ADGRL3: variants seen among roughly 807,000 people sequenced by gnomAD.
ADGRL3 encodes calcium-independent alpha-latrotoxin receptor 3.
ADGRL3 carries 62 observed loss-of-function variants against 153.5 expected under a neutral mutation model. That is an observed-to-expected ratio of 0.40 (90% confidence interval 0.33 to 0.50). ADGRL3 has a LOEUF of 0.50. Ranked by LOEUF, ADGRL3 falls within the 20% of genes least tolerant of loss-of-function variation. The pLI, the probability that ADGRL3 is intolerant of heterozygous loss-of-function variation, is 0.47. For synonymous variants in ADGRL3, 710 were observed against 672.5 expected, an observed-to-expected ratio of 1.06 and a Z score of -0.86; for missense variants, 1,641 against 1,859.4, an observed-to-expected ratio of 0.88 and a Z score of 2.16.
intron 6 of ADGRL3, among the ~76,000 whole-genome samples, chr4:61,692,730 G>A (rs544097276): frequency 2.0e-5 from 3 of 152,210 alleles, no homozygotes; most frequent in Non-Finnish European, 1.5e-5. Context: ...AAGCCACCAC[G>A]CCTGGTCGTT....
intron 8 of ADGRL3, among the ~76,000 whole-genome samples, chr4:61,748,001 T>G (rs1405004651): frequency 2.0e-5 from 3 of 151,974 alleles, no homozygotes; most frequent in Non-Finnish European, 2.9e-5. Flanking sequence ...ATAAGCAACT[T>G]CAGCAAAGTC....
rs199648865 is a variant in ADGRL3, at chr4:61,856,581, C to CTT, written c.1481-36070_1481-36069dup. Among the ~76,000 whole-genome samples the CTT allele has an allele frequency of 2.6e-3, 271 of 104,924 alleles. 3 individuals carry two copies. Among genetic ancestry groups the CTT allele is most frequent in the African/African-American group, 8.6e-3 (232 of 27,062 alleles). The allele number at this position is 104,924 out of a possible 152,430, so 68.8% of individuals were successfully genotyped here. On this transcript the variant is annotated intron_variant, in intron 9 of 26. Coordinates refer to ENST00000683033, the MANE Select transcript of ADGRL3 (RefSeq NM_001387552.1). ...TGTCTCTCTCTCTCTTTCTCTCTCT[C>CTT]TTTTTTCTCTCTCTCTCTCTCTCTT...
intron 17 of ADGRL3, among the ~76,000 whole-genome samples, chr4:61,970,951 G>A (rs191363798): frequency 9.9e-5 from 15 of 152,000 alleles, no homozygotes; most frequent in African/African-American, 2.9e-4. Flanking sequence ...ACGTTTATCC[G>A]AAAATAGGCT....
intron 1 of ADGRL3, among the ~76,000 whole-genome samples, chr4:61,367,109 A>G: frequency 6.6e-6 from 1 of 152,326 alleles, no homozygotes; most frequent in Admixed American, 6.5e-5. Context: ...AAAGTAGCAC[A>G]TTGAAATATT....
intron 19 of ADGRL3, among the ~76,000 whole-genome samples, chr4:61,992,933 A>G (rs1191666712): frequency 2.0e-5 from 3 of 152,166 alleles, no homozygotes; most frequent in African/African-American, 7.2e-5. Flanking sequence ...ACAACTGTTA[A>G]TAATATAATT....
At chr4:61,804,717 C>T (rs762356133) in intron 8 of ADGRL3, among the ~76,000 whole-genome samples, 2 of 152,064 alleles carry the variant, frequency 1.3e-5, no homozygotes, top group Non-Finnish European at 2.9e-5. Flanking sequence ...ATGAAGAATG[C>T]CTATTGGCCA....
At chr4:61,872,497 A>C (rs546849361) in intron 9 of ADGRL3, among the ~76,000 whole-genome samples, 1 of 150,964 alleles carries the variant, frequency 6.6e-6, no homozygotes, top group East Asian at 1.9e-4. Context: ...TTATGTTATC[A>C]AGTAGTTAGA....
At chr4:61,629,992 A>G (rs982778750) in intron 5 of ADGRL3, among the ~76,000 whole-genome samples, 2 of 152,058 alleles carry the variant, frequency 1.3e-5, no homozygotes, top group African/African-American at 4.8e-5. Context: ...CAGTACTTCT[A>G]TTTTAACACC....
Position 61,645,916 on chromosome 4 carries a change from G to T in ADGRL3, c.474-30910G>T, listed in dbSNP as rs377255252. On this transcript the variant is annotated intron_variant, in intron 5 of 26. Transcript: ENST00000683033. The stretch of plus-strand genomic sequence containing the variant: ...GGTTCCATTCTCCCCATCACTTTCA[G>T]GTACACCAATCAGACATGGATTTGG... Among the ~76,000 whole-genome samples, 5 of 152,252 alleles carry T rather than the reference G, an allele frequency of 3.3e-5. No homozygotes were observed. In the South Asian group the frequency reaches 8.3e-4, roughly 25 times the overall value.
chr4:61,784,813 AG>A (rs1331653002), intron 8 of ADGRL3, among the ~76,000 whole-genome samples: 2 of 152,110 alleles, frequency 1.3e-5, no homozygotes, highest in African/African-American at 4.8e-5. Flanking sequence ...TTGAAAGATG[AG>A]GGTATTTAGC....
chr4:61,344,337 T>G (rs2095859501), intron 1 of ADGRL3, among the ~76,000 whole-genome samples: 1 of 152,210 alleles, frequency 6.6e-6, no homozygotes, highest in South Asian at 2.1e-4. Flanking sequence ...ATAGGTTGCC[T>G]GAGTAAAGTA....
chr4:61,614,813 T>G (rs2091812704), intron 5 of ADGRL3, among the ~76,000 whole-genome samples: 2 of 152,194 alleles, frequency 1.3e-5, no homozygotes, highest in South Asian at 4.1e-4. Flanking sequence ...CTACCAGTCA[T>G]TATAATCTAT....
Position 61,934,873 on chromosome 4 carries a change from C to T in ADGRL3, c.2146C>T (p.Pro716Ser). The T allele has an allele frequency of 6.2e-7, 1 of 1,613,750 alleles. No individual in the cohort carries two copies. Among genetic ancestry groups the T allele is most frequent in the Non-Finnish European group, 8.5e-7 (1 of 1,179,786 alleles). ...CGAGACAGTTAACAACCTCCTTCAG[C>T]CACAAGCTTTGAATGCATGGAGAGA... ...MVETVNNLLQ[P>S]QALNAWRDLT... is the part of the protein sequence containing the mutation. The change falls in exon 14 of 27, where the codon CCA becomes TCA. Residue 716 changes from proline to serine, a missense_variant. Pro to Ser is a moderately conservative substitution (Grantham distance 74). Coordinates refer to ENST00000683033, the MANE Select transcript of ADGRL3 (RefSeq NM_001387552.1).
chr4:61,330,628 C>G (rs1030663041), intron 1 of ADGRL3, among the ~76,000 whole-genome samples: 1 of 152,102 alleles, frequency 6.6e-6, no homozygotes, highest in African/African-American at 2.4e-5. Context: ...CAGACCTTCA[C>G]GGTGAGTGTT....
chr4:61,416,318 A>C (rs908459512), intron 2 of ADGRL3, among the ~76,000 whole-genome samples: 15 of 152,006 alleles, frequency 9.9e-5, no homozygotes, highest in African/African-American at 3.4e-4. Flanking sequence ...TAATATTTCT[A>C]TGCCTATTAG....
intron 5 of ADGRL3, among the ~76,000 whole-genome samples, chr4:61,671,205 C>A (rs1351085340): frequency 6.6e-6 from 1 of 152,158 alleles, no homozygotes; most frequent in Non-Finnish European, 1.5e-5. Flanking sequence ...CTATATGGTG[C>A]TCTATGTTGT....
At chr4:61,786,064 T>C in intron 8 of ADGRL3, among the ~76,000 whole-genome samples, 1 of 152,284 alleles carries the variant, frequency 6.6e-6, no homozygotes, top group Non-Finnish European at 1.5e-5. Flanking sequence ...AAAAGACATA[T>C]ATCTAAGACA....
intron 9 of ADGRL3, 139 bp downstream of exon 9, chr4:61,814,028 A>G (rs1001522620): frequency 2.8e-6 from 3 of 1,085,218 alleles, no homozygotes; most frequent in East Asian, 2.6e-5. Flanking sequence ...TAATCTGGAG[A>G]TAAAGCAAGT....
intron 5 of ADGRL3, among the ~76,000 whole-genome samples, chr4:61,669,149 A>G (rs1216278535): frequency 6.6e-6 from 1 of 152,204 alleles, no homozygotes; most frequent in Non-Finnish European, 1.5e-5. Context: ...GCTACAATAT[A>G]TATATGGGAG....
Sources: allele counts gnomAD v4.1 joint callset (sites outside exome capture counted in the v4.1 genomes callset), GRCh38; gene constraint gnomAD v4.1.1; transcripts MANE v1.5; gene names NCBI Gene and HGNC (gene_info 2026-07-23, HGNC 2026-07-21).